Variants in PTPRC observed in about 807,000 individuals in gnomAD.
PTPRC encodes protein tyrosine phosphatase receptor type C, also known as receptor-type tyrosine-protein phosphatase C.
PTPRC carries 44 observed loss-of-function variants against 155.9 expected under a neutral mutation model. That is an observed-to-expected ratio of 0.28 (90% CI 0.22 to 0.36). PTPRC has a LOEUF of 0.36. Among genes scored for constraint, PTPRC ranks in the 10% least tolerant of loss-of-function variants. The pLI is 1.00. For synonymous variants in PTPRC, 525 were observed against 533.1 expected (o/e 0.98, Z 0.21); for missense variants, 1,401 against 1,564.6 (o/e 0.90, Z 1.76).
In PTPRC at chr1:198,709,670, A is replaced by G. The variant is rs1198545133; in HGVS notation, c.1034-17A>G. On this transcript the variant is annotated splice_polypyrimidine_tract_variant and intron_variant, in intron 10 of 32. Coordinates refer to ENST00000442510, the MANE Select transcript of PTPRC (RefSeq NM_002838.5). Reference sequence around the variant, plus strand: ...TATTGCATCGATATATTCATTCGAAATATTTCTTTATTTCAGGTAATATGA... The same window carrying G: ...TATTGCATCGATATATTCATTCGAAGTATTTCTTTATTTCAGGTAATATGA... 6.5e-7 allele frequency: 1 copy of G among 1,530,756 alleles called. No homozygotes were observed. Among genetic ancestry groups the G allele is most frequent in the Non-Finnish European group, 8.9e-7 (1 of 1,119,164 alleles). 94.8% of individuals were successfully genotyped at this position (1,530,756 alleles called of 1,614,324 possible). A position where few individuals can be genotyped will look rare whatever the true frequency, so the allele number is the denominator to read the frequency against.
At chr1:198,710,312 A>G (rs1653228503) in intron 11 of PTPRC, among the ~76,000 whole-genome samples, 1 of 152,198 alleles carries the variant, frequency 6.6e-6, no homozygotes, top group Non-Finnish European at 1.5e-5. Context: ...TATATGTCAT[A>G]CTTACACTGT....
intron 31 of PTPRC, among the ~76,000 whole-genome samples, chr1:198,753,941 A>G (rs1655502100): frequency 6.6e-6 from 1 of 152,094 alleles, no homozygotes; most frequent in South Asian, 2.1e-4. Flanking sequence ...TTCCTTATCT[A>G]TCATACTGGC....
In PTPRC at chr1:198,742,031, GA is replaced by G; in HGVS notation, c.2561+10del. The stretch of plus-strand genomic sequence containing the variant: ...TCCCATTGTGGTGCACTGCAGGTAG[GA>G]AAAACGAACAAAAAAAAAAAACAAC... On this transcript the variant is annotated splice_donor_region_variant and intron_variant, in intron 24 of 32. Transcript: ENST00000442510. The G allele has an allele frequency of 6.3e-7, 1 of 1,598,948 alleles. No homozygotes were observed.
intron 3 of PTPRC, among the ~76,000 whole-genome samples, chr1:198,695,609 ATT>A (rs886668614): frequency 6.6e-6 from 1 of 151,796 alleles, no homozygotes; most frequent in Admixed American, 6.6e-5. Flanking sequence ...GCCCTGCAGA[ATT>A]TTTTTTACCA....
At chr1:198,647,106 T>C (rs777454869) in intron 2 of PTPRC, among the ~76,000 whole-genome samples, 1 of 151,900 alleles carries the variant, frequency 6.6e-6, no homozygotes, top group Non-Finnish European at 1.5e-5. Flanking sequence ...TTTTTATCAA[T>C]GGTGCAAATT....
chr1:198,752,424 A>G, intron 30 of PTPRC, 53 bp downstream of exon 30: 1 of 1,598,004 alleles, frequency 6.3e-7, no homozygotes, highest in Non-Finnish European at 8.6e-7. Flanking sequence ...ATCTGGTAGC[A>G]AAATGAATAT....
chr1:198,654,385 T>C (rs1663425123), intron 2 of PTPRC, among the ~76,000 whole-genome samples: 2 of 151,888 alleles, frequency 1.3e-5, no homozygotes, highest in Non-Finnish European at 2.9e-5. Context: ...AACAATGTGA[T>C]AGCTAAGATT....
At chr1:198,699,284 G>A (rs1036239856) in intron 4 of PTPRC, among the ~76,000 whole-genome samples, 9 of 152,168 alleles carry the variant, frequency 5.9e-5, no homozygotes, top group Non-Finnish European at 1.3e-4. Flanking sequence ...AATTCAGAAA[G>A]CTCATAGTGA....
At chr1:198,678,003 T>C (rs1487661587) in intron 2 of PTPRC, among the ~76,000 whole-genome samples, 1 of 152,108 alleles carries the variant, frequency 6.6e-6, no homozygotes, top group African/African-American at 2.4e-5. Context: ...TAAATATAGA[T>C]ACATATGAAA....
intron 26 of PTPRC, 32 bp from the exon 27 acceptor site, chr1:198,748,077 A>G: frequency 6.4e-7 from 1 of 1,573,752 alleles, no homozygotes; most frequent in Non-Finnish European, 8.6e-7. Context: ...TACATTTTAA[A>G]GGAGTTTTTC....
chr1:198,691,643 C>T (rs777956675), intron 2 of PTPRC, among the ~76,000 whole-genome samples: 2 of 152,084 alleles, frequency 1.3e-5, no homozygotes, highest in Non-Finnish European at 2.9e-5. Flanking sequence ...CCTTTAAAGA[C>T]ATCCCTTTAA....
chr1:198,639,876 A>G (rs998607321), intron 2 of PTPRC, among the ~76,000 whole-genome samples: 2 of 152,050 alleles, frequency 1.3e-5, no homozygotes, highest in Non-Finnish European at 2.9e-5. Context: ...ATATTGAGAT[A>G]TTTAGTAAAA....
chr1:198,704,362 T>A (rs977380313), intron 7 of PTPRC, 110 bp from the exon 8 acceptor site: 1 of 1,557,452 alleles, frequency 6.4e-7, no homozygotes, highest in Non-Finnish European at 8.7e-7. Flanking sequence ...TAAATCTAAC[T>A]AGATAGACTT....
At chr1:198,697,862 AG>A (rs2102388301) in intron 4 of PTPRC, among the ~76,000 whole-genome samples, 1 of 152,366 alleles carries the variant, frequency 6.6e-6, no homozygotes, top group East Asian at 1.9e-4. Flanking sequence ...TATTGGATAT[AG>A]TAAGCAGTTA....
chr1:198,720,814 A>G (rs1653850026), intron 14 of PTPRC, among the ~76,000 whole-genome samples: 1 of 152,212 alleles, frequency 6.6e-6, no homozygotes, highest in South Asian at 2.1e-4. Flanking sequence ...TAGTCAACCT[A>G]AAAGAAATAT....
At chr1:198,705,181 C>T (rs192378854) in intron 8 of PTPRC, among the ~76,000 whole-genome samples, 1 of 151,808 alleles carries the variant, frequency 6.6e-6, no homozygotes, top group African/African-American at 2.4e-5. Flanking sequence ...TCTTCATGGT[C>T]AGGGCTTATT....
chr1:198,702,326 C>A, intron 5 of PTPRC, 61 bp from the exon 6 acceptor site: 1 of 1,607,596 alleles, frequency 6.2e-7, no homozygotes, highest in Non-Finnish European at 8.5e-7. Flanking sequence ...TGTTGGCTAT[C>A]TGGCTATTGC....
chr1:198,652,270 C>T (rs1663294028), intron 2 of PTPRC, among the ~76,000 whole-genome samples: 1 of 151,192 alleles, frequency 6.6e-6, no homozygotes, highest in Admixed American at 6.6e-5. Flanking sequence ...ATTTAAAAGA[C>T]TAGGAGAGAA....
At chr1:198,692,648 A>T (rs898999940) in intron 3 of PTPRC, 9 of 975,066 alleles carry the variant, frequency 9.2e-6, no homozygotes, top group Non-Finnish European at 1.0e-5. Context: ...ACAGGTTTCT[A>T]CTCTCTTTTA....
Sources: allele counts gnomAD v4.1 joint callset (sites outside exome capture counted in the v4.1 genomes callset), GRCh38; gene constraint gnomAD v4.1.1; transcripts MANE v1.5; gene names NCBI Gene and HGNC (gene_info 2026-07-23, HGNC 2026-07-21).